GHSR: variants seen among roughly 807,000 people sequenced by gnomAD.
GHSR encodes the protein growth hormone secretagogue receptor type 1.
In GHSR, 17 loss-of-function variants were observed where a neutral mutation model predicts 24.0. That is an observed-to-expected ratio of 0.71 (90% CI 0.49 to 1.06). The LOEUF (loss-of-function observed/expected upper bound fraction) is 1.06. Ranked by LOEUF, GHSR falls within the 50% of genes least tolerant of loss-of-function variation. GHSR has a pLI of 0.00. For synonymous variants in GHSR, 238 were observed against 208.1 expected (o/e 1.14, Z -1.24); for missense variants, 504 against 483.1 (o/e 1.04, Z -0.41).
rs201183489 is a variant in GHSR, at chr3:172,447,651, C to A, written c.763G>T (p.Asp255Tyr). Residue 255 changes from aspartate to tyrosine, a missense_variant, in exon 1 of 2, where the codon GAC (aspartate) becomes TAC (tyrosine). Coordinates refer to ENST00000241256, the MANE Select transcript of GHSR (RefSeq NM_198407.2). ...GDAVVGASLRDQNHKQTVKML... is the reference protein window; with the variant it reads ...GDAVVGASLRYQNHKQTVKML... Reference sequence around the variant, plus strand: ...TTCACGGTTTGCTTGTGGTTCTGGTCCCTGAGCGAGGCACCCACGACAGCA... The same window carrying A: ...TTCACGGTTTGCTTGTGGTTCTGGTACCTGAGCGAGGCACCCACGACAGCA... The A allele has an allele frequency of 1.9e-5, 30 of 1,614,098 alleles. No homozygotes were observed. Among genetic ancestry groups the A allele is most frequent in the Non-Finnish European group, 2.5e-5 (30 of 1,180,022 alleles).
chr3:172,445,388 G>A lies in GHSR; in HGVS notation c.874C>T (p.Pro292Ser). 6.2e-7 allele frequency: 1 copy of A among 1,614,168 alleles called. No individual in the cohort carries two copies. ...GRYLFSKSFEPGSLEIAQISQ... is the reference protein window; with the variant it reads ...GRYLFSKSFESGSLEIAQISQ... Reference sequence around the variant, plus strand: ...ATCTGAGCAATCTCCAAGGAGCCAGGCTCAAAGGATTTGGAAAATAAATAT... The same window carrying A: ...ATCTGAGCAATCTCCAAGGAGCCAGACTCAAAGGATTTGGAAAATAAATAT... The change falls in exon 2 of 2, where the codon CCT becomes TCT. Residue 292 changes from proline (P) to serine (S), a missense_variant. Coordinates refer to ENST00000241256, the MANE Select transcript of GHSR (RefSeq NM_198407.2).
intron 1 of GHSR, among the ~76,000 whole-genome samples, chr3:172,446,561 A>C (rs183988428): frequency 4.6e-5 from 7 of 152,370 alleles, no homozygotes; most frequent in Admixed American, 4.6e-4. Context: ...GAAGCCTTAA[A>C]ATATGCCATT....
Position 172,448,338 on chromosome 3 carries a change from C to T in GHSR, c.76G>A (p.Gly26Ser), listed in dbSNP as rs1247229378. 6.2e-7 allele frequency: 1 copy of T among 1,604,550 alleles called. No homozygotes were observed. The highest frequency in any genetic ancestry group is 8.5e-7 in the Non-Finnish European group (1 of 1,179,790). ...AGCTCGTCGCCCAGCGAGTCGTTGC[C>T]GGGGGAAGCATCCCAGTCCAGGTCG... ...LADLDWDASP[G>S]NDSLGDELLQ... The change falls in exon 1 of 2, where the codon GGC becomes AGC. Residue 26 changes from glycine (G) to serine (S), a missense_variant. Coordinates refer to ENST00000241256, the MANE Select transcript of GHSR (RefSeq NM_198407.2). This position sits in a 1 kb window ranked among gnomAD's most constrained non-coding sequence, Gnocchi z 4.8.
rs776346975 is a variant in GHSR at position 172,447,825 on chromosome 3, C to T, written c.589G>A (p.Glu197Lys). The change falls in exon 1 of 2, where the codon GAG (glutamate) becomes AAG (lysine). Residue 197 changes from glutamate (E) to lysine (K), a missense_variant. Transcript: ENST00000241256. Reference protein sequence around the residue: ...ENGTDPWDTNECRPTEFAVRS... With the variant: ...ENGTDPWDTNKCRPTEFAVRS... ...ACCGCAAACTCGGTGGGGCGGCACT[C>T]GTTGGTGTCCCAAGGGTCGGTGCCG... 2.4e-5 allele frequency: 39 copies of T among 1,613,888 alleles called. No homozygotes were observed. In the South Asian group the frequency reaches 3.4e-4, roughly 14 times the overall value.
chr3:172,447,976 G>A lies in GHSR; in HGVS notation c.438C>T (p.Cys146=), dbSNP rs1335166183. Reference sequence around the variant, plus strand: ...CCACCACCTTGGCCCGGAGTGGGAAGCAGATGGCGAAGTAGCGCTCGACGC... The same window carrying A: ...CCACCACCTTGGCCCGGAGTGGGAAACAGATGGCGAAGTAGCGCTCGACGC... ...ALSVERYFAI[C]FPLRAKVVVT... is the part of the protein sequence containing the mutation. The change falls in exon 1 of 2, where the codon TGC becomes TGT. Residue 146 remains cysteine (C), a synonymous_variant. Transcript: ENST00000241256. The A allele has an allele frequency of 1.9e-6, 3 of 1,614,200 alleles. No homozygotes were observed. Among genetic ancestry groups the A allele is most frequent in the East Asian group, 4.5e-5 (2 of 44,886 alleles).
Position 172,445,383 on chromosome 3 carries a change from G to T in GHSR, c.879C>A (p.Gly293=). ...RYLFSKSFEP[G]SLEIAQISQY... is the part of the protein sequence containing the mutation. ...GGCTGATCTGAGCAATCTCCAAGGA[G>T]CCAGGCTCAAAGGATTTGGAAAATA... The change falls in exon 2 of 2, where the codon GGC becomes GGA. Residue 293 remains glycine, a synonymous_variant. Transcript: ENST00000241256. The T allele has an allele frequency of 1.9e-6, 3 of 1,614,178 alleles. No homozygotes were observed. Among genetic ancestry groups the T allele is most frequent in the Non-Finnish European group, 2.5e-6 (3 of 1,180,036 alleles).
Position 172,447,755 on chromosome 3 carries a change from A to C in GHSR, c.659T>G (p.Phe220Cys), listed in dbSNP as rs1560129425. ...LTVMVWVSSI[F>C]FFLPVFCLTV... ...GAGACAGAAGACAGGAAGGAAGAAGAAGATGCTGGACACCCACACCATGAC... is the reference window on the plus strand; with the variant it reads ...GAGACAGAAGACAGGAAGGAAGAAGCAGATGCTGGACACCCACACCATGAC... Residue 220 changes from phenylalanine (F) to cysteine (C), a missense_variant, in exon 1 of 2, where the codon TTC (phenylalanine) becomes TGC (cysteine). Transcript: ENST00000241256. The C allele has an allele frequency of 1.2e-6, 2 of 1,614,114 alleles. No individual in the cohort carries two copies. Among genetic ancestry groups the C allele is most frequent in the Non-Finnish European group, 1.7e-6 (2 of 1,180,028 alleles).
chr3:172,445,035 C>A lies in GHSR; in HGVS notation c.*126G>T. ...CCTACAAATGATATCTTTTTTCCCT[C>A]CCAGATGTTTCTGGATCTATGTGTT... On this transcript the variant is annotated 3_prime_UTR_variant, in exon 2 of 2. Transcript: ENST00000241256. 1 of 1,041,560 alleles carries A rather than the reference C, an allele frequency of 9.6e-7. No homozygotes were observed. 64.5% of individuals were successfully genotyped at this position (1,041,560 alleles called of 1,614,324 possible).
rs1262175220 is a variant in GHSR, at chr3:172,447,703, C to G, written c.711G>C (p.Arg237Ser). The change falls in exon 1 of 2, where the codon AGG becomes AGC. Residue 237 changes from arginine (R) to serine (S), a missense_variant. Transcript: ENST00000241256. ...CGCCGCGCCTCCTCCGCCACAGCTT[C>G]CTGCCGATGAGACTGTAGAGGACCG... ...CLTVLYSLIG[R>S]KLWRRRRGDA... 1 of 1,614,002 alleles carries G rather than the reference C, an allele frequency of 6.2e-7. No individual in the cohort carries two copies. Among genetic ancestry groups the G allele is most frequent in the Non-Finnish European group, 8.5e-7 (1 of 1,180,046 alleles).
In GHSR at chr3:172,448,115, A is replaced by G. The variant is rs1737525907; in HGVS notation, c.299T>C (p.Leu100Pro). 6.2e-7 allele frequency: 1 copy of G among 1,614,118 alleles called. No individual in the cohort carries two copies. Among genetic ancestry groups the G allele is most frequent in the African/African-American group, 1.3e-5 (1 of 74,942 alleles). ...LLIFLCMPLD[L>P]VRLWQYRPWN... ...GGGCCGGTACTGCCAGAGGCGAACG[A>G]GGTCCAGGGGCATGCAGAGGAAGAT... Residue 100 changes from leucine (L) to proline (P), a missense_variant, in exon 1 of 2, where the codon CTC becomes CCC. By Grantham distance (98) the Leu-to-Pro change is moderately conservative (BLOSUM62 -3). Transcript: ENST00000241256. This position sits in a 1 kb window ranked among gnomAD's most constrained non-coding sequence, Gnocchi z 4.8.
rs199599995 is a variant in GHSR at position 172,445,439 on chromosome 3, A to G, written c.823T>C (p.Cys275Arg). Residue 275 changes from cysteine to arginine, a missense_variant, in exon 2 of 2, where the codon TGC becomes CGC. Coordinates refer to ENST00000241256, the MANE Select transcript of GHSR (RefSeq NM_198407.2). ...LAVVVFAFIL[C>R]WLPFHVGRYL... ...CGCCCTACGTGGAAGGGGAGCCAGC[A>G]GAGGATGAAGGCAAACACCACTACA... is the stretch of plus-strand genomic sequence containing the variant. 9.2e-5 allele frequency: 148 copies of G among 1,613,066 alleles called. No homozygotes were observed. Among genetic ancestry groups the G allele is most frequent in the Non-Finnish European group, 3.7e-5 (44 of 1,179,920 alleles).
At chr3:172,446,100 A>T (rs1226134878) in intron 1 of GHSR, among the ~76,000 whole-genome samples, 1 of 152,182 alleles carries the variant, frequency 6.6e-6, no homozygotes. Context: ...TTGCCTATGT[A>T]AGATAATTTT....
At position 172,444,646 on chromosome 3, in the gene GHSR, G is replaced by A. The variant is rs1396671445; in HGVS notation, c.*515C>T. 6.6e-6 allele frequency among the ~76,000 whole-genome samples: 1 copy of A among 152,102 alleles called. No individual in the cohort carries two copies. The highest frequency in any genetic ancestry group is 1.5e-5 in the Non-Finnish European group (1 of 68,012). On this transcript the variant is annotated 3_prime_UTR_variant, in exon 2 of 2. Transcript: ENST00000241256. ...TTCAAAGACTTAGTGTGAAAAAAAA[G>A]AATGTAAATTCCTTTTTAATAATTT...
chr3:172,448,019 A>C lies in GHSR; in HGVS notation c.395T>G (p.Leu132Arg). Residue 132 changes from leucine (L) to arginine (R), a missense_variant, in exon 1 of 2, where the codon CTC becomes CGC. Physicochemically the swap from Leu to Arg is moderately radical, Grantham distance 102. Transcript: ENST00000241256. The surrounding 1 kb of genome is among the most constrained non-coding windows in gnomAD (Gnocchi z 4.8). ...VSESCTYATV[L>R]TITALSVERY... ...CTCGACGCTCAGCGCTGTGATGGTG[A>C]GCACCGTGGCGTAGGTGCAGCTCTC... 1.2e-6 allele frequency: 2 copies of C among 1,614,148 alleles called. No individual in the cohort carries two copies. Among genetic ancestry groups the C allele is most frequent in the South Asian group, 2.2e-5 (2 of 91,074 alleles).
At position 172,445,250 on chromosome 3, in the gene GHSR, G is replaced by A. The variant is rs763237457; in HGVS notation, c.1012C>T (p.Leu338=). Residue 338 remains leucine (L), a synonymous_variant, in exon 2 of 2, where the codon CTG becomes TTG. Transcript: ENST00000241256. The part of the protein sequence containing the change: ...KKYRVAVFRL[L]GFEPFSQRKL... ...CTCTGGGAGAAGGGTTCGAATCCCA[G>A]AAGTCTGAACACTGCCACCCGGTAC... 6.2e-7 allele frequency: 1 copy of A among 1,614,148 alleles called. No individual in the cohort carries two copies. The highest frequency in any genetic ancestry group is 1.1e-5 in the South Asian group (1 of 91,070).
chr3:172,445,450 G>A lies in GHSR; in HGVS notation c.812C>T (p.Ala271Val), dbSNP rs1462733692. The A allele has an allele frequency of 2.5e-6, 4 of 1,612,518 alleles. No homozygotes were observed. The highest frequency in any genetic ancestry group is 2.5e-6 in the Non-Finnish European group (3 of 1,179,760). ...GAAGGGGAGCCAGCAGAGGATGAAG[G>A]CAAACACCACTACAGCTAAAAGGAC... ...TVKMLAVVVF[A>V]FILCWLPFHV... Residue 271 changes from alanine to valine, a missense_variant, in exon 2 of 2, where the codon GCC (alanine) becomes GTC (valine). By Grantham distance (64) the Ala-to-Val change is moderately conservative. Transcript: ENST00000241256.
chr3:172,448,374 G>C lies in GHSR; in HGVS notation c.40C>G (p.Leu14Val). The change falls in exon 1 of 2, where the codon CTC (leucine) becomes GTC (valine). Residue 14 changes from leucine to valine, a missense_variant. Transcript: ENST00000241256. The surrounding 1 kb of genome is among the most constrained non-coding windows in gnomAD (Gnocchi z 4.8). ...TCCCAGTCCAGGTCGGCCAGTGTGAGGTTGAACCCCGGCTCTTCGCTGGGC... is the reference window on the plus strand; with the variant it reads ...TCCCAGTCCAGGTCGGCCAGTGTGACGTTGAACCCCGGCTCTTCGCTGGGC... ...ATPSEEPGFNLTLADLDWDAS... is the reference protein window; with the variant it reads ...ATPSEEPGFNVTLADLDWDAS... The C allele has an allele frequency of 6.2e-7, 1 of 1,600,032 alleles. No homozygotes were observed. Among genetic ancestry groups the C allele is most frequent in the Non-Finnish European group, 8.5e-7 (1 of 1,179,654 alleles).
At position 172,444,944 on chromosome 3, in the gene GHSR, A is replaced by C. The variant is rs1737422001; in HGVS notation, c.*217T>G. The stretch of plus-strand genomic sequence containing the variant: ...CGCAGCAGAATGCAAAATCATAGAC[A>C]GTGAATATGCAGAAATAGTGTATGA... On this transcript the variant is annotated 3_prime_UTR_variant, in exon 2 of 2. Transcript: ENST00000241256. 6.6e-6 allele frequency among the ~76,000 whole-genome samples: 1 copy of C among 152,218 alleles called. No homozygotes were observed. Among genetic ancestry groups the C allele is most frequent in the African/African-American group, 2.4e-5 (1 of 41,450 alleles).
In GHSR at chr3:172,443,854, T is replaced by C. The variant is rs570105204; in HGVS notation, c.*1307A>G. On this transcript the variant is annotated 3_prime_UTR_variant, in exon 2 of 2. Transcript: ENST00000241256. ...TTGGAGACAGGACACAGCATAGACA[T>C]TTAAAAATAAATGGCTATAAGATTT... 6.6e-6 allele frequency among the ~76,000 whole-genome samples: 1 copy of C among 152,174 alleles called. No homozygotes were observed. Among genetic ancestry groups the C allele is most frequent in the Non-Finnish European group, 1.5e-5 (1 of 68,012 alleles).
Sources: gnomAD v4.1 joint callset for allele counts (sites outside exome capture counted in the v4.1 genomes callset) on GRCh38, gnomAD v4.1.1 for gene constraint, Gnocchi (gnomAD v3.1) non-coding constraint, MANE v1.5 for transcripts, NCBI Gene and HGNC (gene_info 2026-07-23, HGNC 2026-07-21) for gene names.